Variants in THADA observed in about 807,000 individuals in gnomAD.
THADA encodes the protein tRNA (32-2'-O)-methyltransferase regulator THADA.
In THADA, 213 loss-of-function variants were observed where a neutral mutation model predicts 219.8. That is an observed-to-expected ratio of 0.97 (90% CI 0.87 to 1.09). The LOEUF (loss-of-function observed/expected upper bound fraction) is 1.09, where lower values mean the gene tolerates loss of function less well. THADA is among the 50% of genes least tolerant of loss of function. The probability of loss-of-function intolerance (pLI) is 0.00; values close to 1 mark genes in which losing one functional copy is unlikely to be tolerated. For synonymous variants in THADA, 1,018 were observed against 828.9 expected (o/e 1.23, Z -3.92); for missense variants, 2,956 against 2,311.3 (o/e 1.28, Z -5.72).
chr2:43,264,114 C>T (rs149218543), intron 36 of THADA, among the ~76,000 whole-genome samples: 130 of 152,122 alleles, frequency 8.5e-4, no homozygotes, highest in African/African-American at 2.6e-3. Context: ...GGCTATGTCA[C>T]GGGGCACCTT....
chr2:43,290,348 A>C, intron 34 of THADA, among the ~76,000 whole-genome samples: 1 of 149,968 alleles, frequency 6.7e-6, no homozygotes, highest in Non-Finnish European at 1.5e-5. Flanking sequence ...ACCCCACCTG[A>C]CTTTTCTGGG....
chr2:43,275,905 G>C (rs1055586819), intron 36 of THADA, among the ~76,000 whole-genome samples: 1 of 152,208 alleles, frequency 6.6e-6, no homozygotes. Context: ...CCCACACAGA[G>C]GCCTTTGTTC....
intron 22 of THADA, among the ~76,000 whole-genome samples, chr2:43,515,458 G>A (rs983523761): frequency 8.8e-5 from 11 of 124,484 alleles, no homozygotes; most frequent in Admixed American, 3.9e-4. Flanking sequence ...TAACGAATTC[G>A]TGACTTAGAA....
chr2:43,534,946 G>C (rs1694357354), intron 21 of THADA, among the ~76,000 whole-genome samples: 2 of 151,998 alleles, frequency 1.3e-5, no homozygotes, highest in Non-Finnish European at 2.9e-5. Flanking sequence ...AGCTATACTA[G>C]TTTACACTCC....
chr2:43,312,757 G>A (rs1046675624), intron 31 of THADA, among the ~76,000 whole-genome samples: 3 of 139,888 alleles, frequency 2.1e-5, no homozygotes, highest in African/African-American at 8.1e-5. Flanking sequence ...AAATTTCATA[G>A]CTATAGGCCC....
At chr2:43,236,150 C>A (rs1282841551) in intron 36 of THADA, among the ~76,000 whole-genome samples, 1 of 152,062 alleles carries the variant, frequency 6.6e-6, no homozygotes, top group Non-Finnish European at 1.5e-5. Flanking sequence ...TAGGAAGGGG[C>A]AGGAGAGTGG....
At chr2:43,492,644 A>T (rs1221769298) in intron 25 of THADA, among the ~76,000 whole-genome samples, 1 of 152,216 alleles carries the variant, frequency 6.6e-6, no homozygotes, top group Non-Finnish European at 1.5e-5. Context: ...TGAGAAAACT[A>T]AATGAGATTT....
intron 22 of THADA, among the ~76,000 whole-genome samples, chr2:43,518,822 G>T (rs1692053196): frequency 6.6e-6 from 1 of 151,928 alleles, no homozygotes; most frequent in African/African-American, 2.4e-5. Context: ...GTCCCTATTT[G>T]CCTGGGACTA....
At chr2:43,513,494 C>T (rs1417223469) in intron 22 of THADA, among the ~76,000 whole-genome samples, 5 of 152,242 alleles carry the variant, frequency 3.3e-5, no homozygotes, top group African/African-American at 7.2e-5. Context: ...TTGAGAAGAA[C>T]CTGAAAAAGG....
At chr2:43,307,332 C>T (rs1252439543) in intron 31 of THADA, among the ~76,000 whole-genome samples, 2 of 151,900 alleles carry the variant, frequency 1.3e-5, no homozygotes, top group Non-Finnish European at 2.9e-5. Context: ...GGGCACAATA[C>T]CGGAGAGAAC....
At chr2:43,381,097 CAAAAA>C (rs58711910) in intron 29 of THADA, among the ~76,000 whole-genome samples, 170 of 54,398 alleles carry the variant, frequency 3.1e-3, no homozygotes, top group Admixed American at 7.4e-3. Flanking sequence ...GAGACTTTGT[CAAAAA>C]AAAAAAAAAA....
chr2:43,300,729 A>G lies in THADA; in HGVS notation c.4439-7516T>C, dbSNP rs574815450. Among the ~76,000 whole-genome samples, 14 of 152,342 alleles carry G rather than the reference A, an allele frequency of 9.2e-5. No individual in the cohort carries two copies. The South Asian group carries it at 2.9e-3, about 32-fold the overall frequency. On this transcript the variant is annotated intron_variant, in intron 31 of 37. Coordinates refer to ENST00000405975, the MANE Select transcript of THADA (RefSeq NM_022065.5). ...AGGAGCAGCAAGAGAGGTTAGACCT[A>G]GAGCCAAAAGGGAGGAAATTATCAA... is the stretch of plus-strand genomic sequence containing the variant.
intron 29 of THADA, among the ~76,000 whole-genome samples, chr2:43,386,665 G>A (rs1320690553): frequency 1.3e-5 from 2 of 152,054 alleles, no homozygotes; most frequent in Non-Finnish European, 2.9e-5. Context: ...AGGCTGAGAC[G>A]GGTAGATTAC....
chr2:43,315,645 T>A (rs1322479586), intron 31 of THADA, among the ~76,000 whole-genome samples: 1 of 152,014 alleles, frequency 6.6e-6, no homozygotes, highest in Non-Finnish European at 1.5e-5. Context: ...AAAAAAAAAT[T>A]CTGTAGAGAT....
At chr2:43,457,932 A>G (rs932936485) in intron 26 of THADA, among the ~76,000 whole-genome samples, 4 of 152,182 alleles carry the variant, frequency 2.6e-5, no homozygotes, top group Non-Finnish European at 5.9e-5. Flanking sequence ...AGGAAAAAAA[A>G]AATCCCAGGT....
At chr2:43,262,466 A>G (rs144183368) in intron 36 of THADA, among the ~76,000 whole-genome samples, 1,668 of 152,222 alleles carry the variant, frequency 0.011, 24 homozygotes, top group African/African-American at 0.038. Context: ...GGGCCTGCCA[A>G]TCAGTCTGGA....
intron 28 of THADA, among the ~76,000 whole-genome samples, chr2:43,407,108 C>G (rs999201111): frequency 6.6e-6 from 1 of 152,152 alleles, no homozygotes; most frequent in Non-Finnish European, 1.5e-5. Context: ...GGCTGGCTTT[C>G]CTTTGGTGTT....
At chr2:43,464,249 T>C (rs558156087) in intron 26 of THADA, among the ~76,000 whole-genome samples, 1 of 152,144 alleles carries the variant, frequency 6.6e-6, no homozygotes, top group Non-Finnish European at 1.5e-5. Context: ...TGAGCAACTA[T>C]ATAACAAAGG....
intron 34 of THADA, among the ~76,000 whole-genome samples, chr2:43,291,454 CAAAAA>C (rs765352765): frequency 0.018 from 144 of 8,086 alleles, 1 homozygote; most frequent in African/African-American, 0.057. Context: ...AACTCCATCT[CAAAAA>C]AAAAAAAAAA....
Sources: gnomAD v4.1 joint callset for allele counts (sites outside exome capture counted in the v4.1 genomes callset) on GRCh38, gnomAD v4.1.1 for gene constraint, MANE v1.5 for transcripts, NCBI Gene and HGNC (gene_info 2026-07-23, HGNC 2026-07-21) for gene names.